Variants in WDR70 observed in about 807,000 individuals in gnomAD.
WDR70 encodes the protein WD repeat domain 70.
A neutral mutation model predicts 88.6 loss-of-function variants in WDR70; 53 were observed. That is an observed-to-expected ratio of 0.60 (90% confidence interval 0.48 to 0.75). The LOEUF is 0.75. Ranked by LOEUF, WDR70 falls within the 30% of genes least tolerant of loss-of-function variation. The probability of loss-of-function intolerance (pLI) is 0.00; values close to 1 mark genes in which losing one functional copy is unlikely to be tolerated. For synonymous variants in WDR70, 280 were observed against 270.0 expected (o/e 1.04, Z -0.36); for missense variants, 610 against 823.2 (o/e 0.74, Z 3.17).
chr5:37,572,657 C>T (rs1443465496), intron 9 of WDR70, among the ~76,000 whole-genome samples: 2 of 152,138 alleles, frequency 1.3e-5, no homozygotes, highest in Non-Finnish European at 2.9e-5. Context: ...TCTAAAAATA[C>T]ATATTGAATC....
intron 15 of WDR70, chr5:37,724,713 G>T: frequency 2.0e-6 from 1 of 496,864 alleles, no homozygotes; most frequent in Non-Finnish European, 3.6e-6. Flanking sequence ...GACAATATTT[G>T]ACAGTATTTC....
chr5:37,697,166 A>G (rs1444037416), intron 10 of WDR70, among the ~76,000 whole-genome samples: 2 of 152,222 alleles, frequency 1.3e-5, no homozygotes, highest in Admixed American at 6.5e-5. Context: ...AGCTGCTGTT[A>G]TTATTATCAT....
intron 10 of WDR70, among the ~76,000 whole-genome samples, chr5:37,608,256 G>T (rs893552809): frequency 6.6e-6 from 1 of 151,906 alleles, no homozygotes; most frequent in African/African-American, 2.4e-5. Flanking sequence ...TGGCCACGTT[G>T]GTCTCAAACT....
chr5:37,389,128 T>C (rs1347440391), intron 3 of WDR70, among the ~76,000 whole-genome samples: 1 of 149,650 alleles, frequency 6.7e-6, no homozygotes, highest in Non-Finnish European at 1.5e-5. Flanking sequence ...AGTCTCACTC[T>C]GTGGCCCAGG....
chr5:37,521,729 CACACACACACA>C (rs1561886030), intron 9 of WDR70, among the ~76,000 whole-genome samples: 5 of 151,988 alleles, frequency 3.3e-5, no homozygotes, highest in African/African-American at 1.2e-4. Context: ...CACACACACA[CACACACACACA>C]CCCACATGTT....
Position 37,503,378 on chromosome 5 carries a change from T to C in WDR70, c.841-13136T>C, listed in dbSNP as rs1378311963. ...TATTTCATCACTCAGGTAGTAAGCCTAGTACCCACTAGTTGTATTTACTGC... is the reference window on the plus strand; with the variant it reads ...TATTTCATCACTCAGGTAGTAAGCCCAGTACCCACTAGTTGTATTTACTGC... On this transcript the variant is annotated intron_variant, in intron 8 of 17. Transcript: ENST00000265107. Among the ~76,000 whole-genome samples the C allele has an allele frequency of 3.9e-5, 6 of 152,324 alleles. No individual in the cohort carries two copies. In the East Asian group the frequency reaches 1.2e-3, roughly 29 times the overall value.
At chr5:37,453,882 C>G (rs1738751749) in intron 7 of WDR70, among the ~76,000 whole-genome samples, 1 of 152,142 alleles carries the variant, frequency 6.6e-6, no homozygotes, top group African/African-American at 2.4e-5. Context: ...ACCATACTGT[C>G]AAAAGTAGCT....
chr5:37,521,106 A>G lies in WDR70; in HGVS notation c.917+4516A>G, dbSNP rs565710482. On this transcript the variant is annotated intron_variant, in intron 9 of 17. Transcript: ENST00000265107. ...TAAGTTGAATAGAGCAGTTGGGAAA[A>G]AAACTTTGTTCTCAAAACTGTTGGA... Among the ~76,000 whole-genome samples the G allele has an allele frequency of 7.9e-5, 12 of 152,242 alleles. No homozygotes were observed. The South Asian group carries it at 1.9e-3, about 24-fold the overall frequency.
intron 7 of WDR70, among the ~76,000 whole-genome samples, chr5:37,471,969 G>A (rs1308850100): frequency 6.6e-6 from 1 of 151,468 alleles, no homozygotes; most frequent in Non-Finnish European, 1.5e-5. Flanking sequence ...TTCTTTTCTT[G>A]CTCCTAATGT....
At chr5:37,475,209 G>A (rs1384110413) in intron 7 of WDR70, among the ~76,000 whole-genome samples, 3 of 143,910 alleles carry the variant, frequency 2.1e-5, no homozygotes, top group Non-Finnish European at 3.1e-5. Context: ...TGTGAGCCAC[G>A]GTACCCATCC....
At chr5:37,620,588 A>G (rs1243378890) in intron 10 of WDR70, among the ~76,000 whole-genome samples, 1 of 152,202 alleles carries the variant, frequency 6.6e-6, no homozygotes, top group African/African-American at 2.4e-5. Context: ...GGAGTTAACC[A>G]TAGCAATTCC....
chr5:37,708,952 A>T (rs879724214), intron 13 of WDR70, among the ~76,000 whole-genome samples: 6 of 152,210 alleles, frequency 3.9e-5, no homozygotes, highest in Admixed American at 3.3e-4. Context: ...TAGAGTAATT[A>T]TCTGTTTTAC....
intron 9 of WDR70, among the ~76,000 whole-genome samples, chr5:37,602,645 A>T (rs1444555024): frequency 4.0e-5 from 6 of 151,588 alleles, no homozygotes; most frequent in Non-Finnish European, 7.4e-5. Context: ...GAAAAAAAAA[A>T]GGAAAGAAAA....
At chr5:37,586,565 C>T (rs1743370238) in intron 9 of WDR70, among the ~76,000 whole-genome samples, 1 of 152,090 alleles carries the variant, frequency 6.6e-6, no homozygotes, top group South Asian at 2.1e-4. Context: ...CCCTAGCCCC[C>T]CACCCACCGG....
At position 37,499,587 on chromosome 5, in the gene WDR70, T is replaced by TTCTCTCTCTC. The variant is rs72226896; in HGVS notation, c.841-16894_841-16885dup. Among the ~76,000 whole-genome samples, 345 of 41,754 alleles carry TTCTCTCTCTC rather than the reference T, an allele frequency of 8.3e-3. 13 individuals are homozygous for TTCTCTCTCTC. The highest frequency in any genetic ancestry group is 0.019 in the African/African-American group (314 of 16,924). The allele number at this position is 41,754 out of a possible 152,430, so 27.4% of individuals were successfully genotyped here. On this transcript the variant is annotated intron_variant, in intron 8 of 17. Transcript: ENST00000265107. ...TTTTTAAATATGTGATTTGGAAATA[T>TTCTCTCTCTC]TCTCTCTCTCTCTCTCTCTCTCTCT...
intron 10 of WDR70, 84 bp downstream of exon 10, chr5:37,605,322 G>A (rs1744006626): frequency 2.2e-6 from 3 of 1,391,598 alleles, no homozygotes; most frequent in Non-Finnish European, 2.9e-6. Context: ...ACGTGTTAAA[G>A]TATTATGAAG....
chr5:37,533,019 ATTGT>A (rs1741545894), intron 9 of WDR70, among the ~76,000 whole-genome samples: 1 of 151,998 alleles, frequency 6.6e-6, no homozygotes, highest in Non-Finnish European at 1.5e-5. Context: ...AACTGGAGTG[ATTGT>A]TTTTGTTCTT....
At chr5:37,684,775 G>A (rs1345435607) in intron 10 of WDR70, among the ~76,000 whole-genome samples, 2 of 152,220 alleles carry the variant, frequency 1.3e-5, no homozygotes, top group African/African-American at 4.8e-5. Flanking sequence ...ATCCATCCTT[G>A]TTCACATGTG....
chr5:37,749,045 A>T (rs1167976340), intron 17 of WDR70, among the ~76,000 whole-genome samples: 1 of 152,178 alleles, frequency 6.6e-6, no homozygotes, highest in Non-Finnish European at 1.5e-5. Flanking sequence ...GGTAGACAGT[A>T]TGGCGATTCC....
Sources: gnomAD v4.1 joint callset for allele counts (sites outside exome capture counted in the v4.1 genomes callset) on GRCh38, gnomAD v4.1.1 for gene constraint, MANE v1.5 for transcripts, NCBI Gene and HGNC (gene_info 2026-07-23, HGNC 2026-07-21) for gene names.